CADPS2: variants seen among roughly 807,000 people sequenced by gnomAD.
CADPS2 encodes the protein calcium dependent secretion activator 2, also known as calcium-dependent secretion activator 2.
Under a neutral mutation model 172.5 loss-of-function variants are expected in CADPS2, and 93 were observed. The observed-to-expected ratio is 0.54, with a 90% CI of 0.46 to 0.64. CADPS2 has a LOEUF of 0.64. CADPS2 is among the 30% of genes least tolerant of loss of function. The pLI is 0.00. For missense variants in CADPS2, 1,420 were observed against 1,565.9 expected (o/e 0.91, Z 1.57); for synonymous variants, 546 against 555.2 (o/e 0.98, Z 0.23).
At chr7:122,708,461 G>GATATATATATATATATATATATAT (rs3034549) in intron 2 of CADPS2, among the ~76,000 whole-genome samples, 2 of 128,204 alleles carry the variant, frequency 1.6e-5, no homozygotes, top group African/African-American at 6.1e-5. Context: ...TATGTGTGTG[G>GATATATATATATATATATATATAT]ATATATATAT....
chr7:122,858,979 G>T (rs1816149331), intron 1 of CADPS2, among the ~76,000 whole-genome samples: 1 of 152,170 alleles, frequency 6.6e-6, no homozygotes, highest in Admixed American at 6.5e-5. Context: ...TTTGGTCAGG[G>T]AACAGGGCCT....
chr7:122,806,894 G>T (rs1589313046), intron 1 of CADPS2, among the ~76,000 whole-genome samples: 2 of 152,168 alleles, frequency 1.3e-5, no homozygotes, highest in East Asian at 3.8e-4. Flanking sequence ...TGGGACAGGG[G>T]AGAATACATG....
At chr7:122,585,573 G>A (rs909719574) in intron 6 of CADPS2, 5 of 151,094 alleles carry the variant, frequency 3.3e-5, no homozygotes, top group Non-Finnish European at 7.4e-5. Context: ...AAACCCTGTC[G>A]GTAATTAATA....
chr7:122,492,548 C>T (rs537352481), intron 9 of CADPS2, among the ~76,000 whole-genome samples: 1 of 152,276 alleles, frequency 6.6e-6, no homozygotes, highest in East Asian at 1.9e-4. Context: ...TCAGATGCTA[C>T]AACAGGCAGG....
intron 4 of CADPS2, among the ~76,000 whole-genome samples, 189 bp from the exon 5 acceptor site, chr7:122,621,906 G>C (rs2075644393): frequency 6.6e-6 from 1 of 152,026 alleles, no homozygotes; most frequent in Non-Finnish European, 1.5e-5. Flanking sequence ...TGGTACTTCA[G>C]ATATCTTATT....
At chr7:122,795,458 T>G (rs1041201799) in intron 1 of CADPS2, among the ~76,000 whole-genome samples, 5 of 151,908 alleles carry the variant, frequency 3.3e-5, no homozygotes, top group Middle Eastern at 3.4e-3. Flanking sequence ...AATTGAATCC[T>G]TAATGAACAG....
At position 122,513,280 on chromosome 7, in the gene CADPS2, CT is replaced by C; in HGVS notation, c.1510del (p.Arg504AspfsTer9). ...LYALGQKVWK[R>X]WKKRYFVLVQ... The stretch of plus-strand genomic sequence containing the variant: ...TAGAACAAAGTAACGTTTTTTCCAT[CT>C]TTTCCAAACCTTCTGTCCAAGGGCA... On this transcript the variant is annotated frameshift_variant, in exon 9 of 30. Transcript: ENST00000449022. LOFTEE classifies it high-confidence loss of function. 6.4e-7 allele frequency: 1 copy of C among 1,562,610 alleles called. No individual in the cohort carries two copies. The highest frequency in any genetic ancestry group is 1.9e-5 in the Admixed American group (1 of 52,606).
At chr7:122,676,097 T>C (rs2082354346) in intron 2 of CADPS2, among the ~76,000 whole-genome samples, 1 of 151,662 alleles carries the variant, frequency 6.6e-6, no homozygotes, top group Non-Finnish European at 1.5e-5. Context: ...GGTAAGGGGG[T>C]GGGGAGGAGA....
At chr7:122,639,828 C>G (rs2077423290) in intron 3 of CADPS2, among the ~76,000 whole-genome samples, 1 of 152,148 alleles carries the variant, frequency 6.6e-6, no homozygotes, top group African/African-American at 2.4e-5. Flanking sequence ...GGTCTGCAGC[C>G]TCTGACCTCT....
At chr7:122,592,402 A>G (rs1015772728) in intron 6 of CADPS2, among the ~76,000 whole-genome samples, 2 of 152,196 alleles carry the variant, frequency 1.3e-5, no homozygotes, top group Admixed American at 6.5e-5. Context: ...ACTGTAAACT[A>G]GTTCAACCAT....
intron 1 of CADPS2, among the ~76,000 whole-genome samples, chr7:122,798,021 T>C (rs1796784159): frequency 6.6e-6 from 1 of 151,884 alleles, no homozygotes; most frequent in Non-Finnish European, 1.5e-5. Context: ...CAATGTTATA[T>C]ATCAAGGAGT....
chr7:122,490,639 G>A (rs2058196993), intron 10 of CADPS2, among the ~76,000 whole-genome samples: 1 of 151,944 alleles, frequency 6.6e-6, no homozygotes, highest in Admixed American at 6.6e-5. Context: ...CTATACATGG[G>A]AAAAATATAT....
chr7:122,836,947 C>T (rs559071709), intron 1 of CADPS2, among the ~76,000 whole-genome samples: 9 of 152,260 alleles, frequency 5.9e-5, no homozygotes, highest in Admixed American at 2.0e-4. Context: ...ATCTACAGAA[C>T]GCTCCACCCC....
chr7:122,551,552 T>C (rs183616527), intron 8 of CADPS2, among the ~76,000 whole-genome samples: 2 of 152,150 alleles, frequency 1.3e-5, no homozygotes, highest in Admixed American at 1.3e-4. Flanking sequence ...CTATTTGACG[T>C]CCACATTATT....
intron 2 of CADPS2, among the ~76,000 whole-genome samples, chr7:122,668,706 T>C (rs2081449639): frequency 6.6e-6 from 1 of 152,128 alleles, no homozygotes; most frequent in Admixed American, 6.5e-5. Context: ...AATTATCAAG[T>C]ACCATAAGAG....
intron 8 of CADPS2, among the ~76,000 whole-genome samples, chr7:122,525,238 T>TACA (rs2061131608): frequency 6.6e-6 from 1 of 152,200 alleles, no homozygotes; most frequent in African/African-American, 2.4e-5. Flanking sequence ...TCTAGTATGT[T>TACA]GCTCTCTGGT....
chr7:122,825,883 GT>G (rs1174026978), intron 1 of CADPS2, among the ~76,000 whole-genome samples: 1 of 152,082 alleles, frequency 6.6e-6, no homozygotes, highest in Non-Finnish European at 1.5e-5. Context: ...GCCAGCCAAG[GT>G]CAAGTGGGAG....
Position 122,690,577 on chromosome 7 carries a change from T to C in CADPS2, c.454-27008A>G, listed in dbSNP as rs766248969. On this transcript the variant is annotated intron_variant, in intron 2 of 29. Coordinates refer to ENST00000449022, the MANE Select transcript of CADPS2 (RefSeq NM_017954.11). ...TTTGTCTCCCTACTTTTAGGGGTAT[T>C]GGGGCAGGTAATAACAGATTATCTC... 8.1e-4 allele frequency among the ~76,000 whole-genome samples: 123 copies of C among 152,270 alleles called. 1 individual carries two copies. In the Middle Eastern group the frequency reaches 0.01, roughly 13 times the overall value.
At chr7:122,439,640 T>C (rs949631765) in intron 16 of CADPS2, among the ~76,000 whole-genome samples, 2 of 150,706 alleles carry the variant, frequency 1.3e-5, no homozygotes, top group Non-Finnish European at 1.5e-5. Flanking sequence ...AGGTTTTCTT[T>C]TTTGAAAATA....
Sources: gnomAD v4.1 joint callset for allele counts (sites outside exome capture counted in the v4.1 genomes callset) on GRCh38, gnomAD v4.1.1 for gene constraint, MANE v1.5 for transcripts, NCBI Gene and HGNC (gene_info 2026-07-23, HGNC 2026-07-21) for gene names.